The following SAMMSON variants were observed in gnomAD, a reference collection of about 807,000 sequenced individuals.
The protein encoded by SAMMSON is survival associated mitochondrial melanoma specific oncogenic non-coding RNA.
At chr3:70,154,225 C>T (rs2067582975) in intron 4 of SAMMSON, among the ~76,000 whole-genome samples, 1 of 151,962 alleles carries the variant, frequency 6.6e-6, no homozygotes, top group African/African-American at 2.4e-5. Flanking sequence ...AATAGCAATA[C>T]TATATAGGGA....
chr3:70,289,745 G>A (rs1014833629), intron 6 of SAMMSON, among the ~76,000 whole-genome samples: 1 of 152,182 alleles, frequency 6.6e-6, no homozygotes, highest in Admixed American at 6.5e-5. Context: ...ATTTCTTGGA[G>A]GGTTTGCTCG....
At chr3:70,383,736 A>G (rs1703093741) in intron 9 of SAMMSON, among the ~76,000 whole-genome samples, 1 of 152,018 alleles carries the variant, frequency 6.6e-6, no homozygotes, top group Non-Finnish European at 1.5e-5. Flanking sequence ...TAAATATAGC[A>G]TGTAAAAAGC....
At chr3:70,374,090 T>C (rs987318166) in intron 9 of SAMMSON, among the ~76,000 whole-genome samples, 9 of 152,148 alleles carry the variant, frequency 5.9e-5, no homozygotes, top group African/African-American at 2.2e-4. Context: ...AATTTTGTAT[T>C]TTTAATAGAG....
chr3:70,306,401 T>G (rs1375042585), intron 7 of SAMMSON, among the ~76,000 whole-genome samples: 1 of 152,278 alleles, frequency 6.6e-6, no homozygotes, highest in East Asian at 1.9e-4. Flanking sequence ...ATGAGCTACC[T>G]CACCCGGCCA....
At chr3:70,273,231 T>C (rs1483581281) in intron 6 of SAMMSON, among the ~76,000 whole-genome samples, 2 of 152,200 alleles carry the variant, frequency 1.3e-5, no homozygotes. Flanking sequence ...TCCCCAGAGA[T>C]GGAATAGCAA....
At chr3:70,385,152 T>A (rs1367281608) in intron 9 of SAMMSON, among the ~76,000 whole-genome samples, 1 of 152,076 alleles carries the variant, frequency 6.6e-6, no homozygotes, top group Admixed American at 6.6e-5. Flanking sequence ...CACGGTGTTG[T>A]AGTTTCAGCA....
At chr3:70,364,107 A>G (rs1421132251) in intron 9 of SAMMSON, among the ~76,000 whole-genome samples, 3 of 151,852 alleles carry the variant, frequency 2.0e-5, no homozygotes, top group East Asian at 3.9e-4. Flanking sequence ...TATATAGTTT[A>G]TATTTTGTTC....
intron 4 of SAMMSON, among the ~76,000 whole-genome samples, chr3:70,112,312 A>G (rs146075411): frequency 6.6e-6 from 1 of 152,272 alleles, no homozygotes; most frequent in Non-Finnish European, 1.5e-5. Context: ...CTATCAATGT[A>G]CAATTACGTA....
At chr3:70,321,423 A>G (rs1370142721) in intron 7 of SAMMSON, among the ~76,000 whole-genome samples, 1 of 152,118 alleles carries the variant, frequency 6.6e-6, no homozygotes, top group East Asian at 1.9e-4. Flanking sequence ...GTGTGAATCA[A>G]TATTCACTTA....
At chr3:70,420,961 A>G (rs1021359851) in intron 2 of SAMMSON, among the ~76,000 whole-genome samples, 15 of 152,014 alleles carry the variant, frequency 9.9e-5, no homozygotes, top group African/African-American at 3.1e-4. Context: ...TATTCTGTGC[A>G]TGCCAATTTA....
chr3:70,216,508 C>G (rs868059210), intron 4 of SAMMSON, among the ~76,000 whole-genome samples: 1 of 151,960 alleles, frequency 6.6e-6, no homozygotes, highest in Non-Finnish European at 1.5e-5. Context: ...AGTCACATAA[C>G]TAGTAAGTGA....
chr3:70,367,235 A>G (rs974699135), intron 9 of SAMMSON, among the ~76,000 whole-genome samples: 2 of 151,596 alleles, frequency 1.3e-5, no homozygotes, highest in African/African-American at 4.8e-5. Flanking sequence ...TAGTCACCCT[A>G]TTGTGGTATC....
chr3:70,099,016 A>C (rs142398355), intron 4 of SAMMSON, among the ~76,000 whole-genome samples: 14 of 152,232 alleles, frequency 9.2e-5, no homozygotes, highest in Middle Eastern at 6.8e-3. Flanking sequence ...CTTAATTTTA[A>C]ATTTAAGAGA....
chr3:70,152,921 T>TA (rs1332913660), intron 4 of SAMMSON, among the ~76,000 whole-genome samples: 1 of 151,998 alleles, frequency 6.6e-6, no homozygotes, highest in Non-Finnish European at 1.5e-5. Context: ...CCCACTCCAC[T>TA]AGCAGAAAAT....
At chr3:70,376,395 C>T (rs1264757188) in intron 9 of SAMMSON, among the ~76,000 whole-genome samples, 1 of 152,120 alleles carries the variant, frequency 6.6e-6, no homozygotes, top group Non-Finnish European at 1.5e-5. Flanking sequence ...GCTATTACTT[C>T]CCATGAACTC....
At chr3:70,366,412 T>G (rs2106743051) in intron 9 of SAMMSON, among the ~76,000 whole-genome samples, 1 of 151,770 alleles carries the variant, frequency 6.6e-6, no homozygotes, top group South Asian at 2.1e-4. Context: ...CCTTTTTGCG[T>G]TGGCTTCATT....
chr3:70,236,945 T>G (rs796806050), intron 4 of SAMMSON, among the ~76,000 whole-genome samples: 4 of 152,286 alleles, frequency 2.6e-5, no homozygotes, highest in African/African-American at 9.6e-5. Context: ...GCAAGTCACA[T>G]GTAGGTAAGT....
At position 70,368,092 on chromosome 3, in the gene SAMMSON, G is replaced by A. The variant is rs115308599; in HGVS notation, n.913+9768G>A. The stretch of plus-strand genomic sequence containing the variant: ...TTCATTTTCTTAAGTGTCTTTTGCA[G>A]AGCAGAAATTTTTAATTTTAATAAT... On this transcript the variant is annotated intron_variant and non_coding_transcript_variant, in intron 9 of 9. Coordinates refer to ENST00000642114, the Ensembl canonical transcript of SAMMSON. Among the ~76,000 whole-genome samples the A allele has an allele frequency of 2.1e-3, 317 of 151,220 alleles. 3 individuals are homozygous for A. The highest frequency in any genetic ancestry group is 7.5e-3 in the African/African-American group (312 of 41,452).
rs562950127 is a variant in SAMMSON at position 70,322,049 on chromosome 3, G to A, written n.739+30806G>A. 3.3e-5 allele frequency among the ~76,000 whole-genome samples: 5 copies of A among 151,962 alleles called. No homozygotes were observed. In the South Asian group the frequency reaches 1.0e-3, roughly 32 times the overall value. ...AAACCTAGGAGTTTTGGAATATTTG[G>A]ATGATAGTGACTGCAGCAATATAAA... On this transcript the variant is annotated intron_variant and non_coding_transcript_variant, in intron 7 of 9. Coordinates refer to ENST00000642114, the Ensembl canonical transcript of SAMMSON.
Sources: allele counts gnomAD v4.1 joint callset (sites outside exome capture counted in the v4.1 genomes callset), GRCh38; gene constraint gnomAD v4.1.1; transcripts MANE v1.5; gene names NCBI Gene and HGNC (gene_info 2026-07-23, HGNC 2026-07-21).